The following TENM1 variants were observed in gnomAD, a reference collection of about 807,000 sequenced individuals.
TENM1 encodes teneurin-1.
Under a neutral mutation model 174.8 loss-of-function variants are expected in TENM1, and 35 were observed. The ratio of observed to expected loss-of-function variants is 0.20; its 90% CI spans 0.15 to 0.27. TENM1 has a LOEUF of 0.27. Among genes scored for constraint, TENM1 ranks in the 10% least tolerant of loss-of-function variants. The pLI, the probability that TENM1 is intolerant of heterozygous loss-of-function variation, is 1.00. For missense variants in TENM1, 1,633 were observed against 2,130.1 expected, an observed-to-expected ratio of 0.77 and a Z score of 4.59; for synonymous variants, 781 against 798.7, an observed-to-expected ratio of 0.98 and a Z score of 0.37.
chrX:124,545,857 A>G (rs988373534), intron 15 of TENM1, among the ~76,000 whole-genome samples: 1 of 111,782 alleles, frequency 8.9e-6, no homozygotes, highest in African/African-American at 3.3e-5. Context: ...CCAGAGACCT[A>G]GAGAGTCAGA....
chrX:124,398,966 C>G (rs1375333357), intron 27 of TENM1, among the ~76,000 whole-genome samples: 1 of 112,328 alleles, frequency 8.9e-6, no homozygotes, highest in Non-Finnish European at 1.9e-5. Context: ...TAGAAGGAAC[C>G]CTTCTGTTCA....
intron 3 of TENM1, among the ~76,000 whole-genome samples, chrX:124,750,850 T>C (rs748060576): frequency 8.9e-6 from 1 of 112,255 alleles, no homozygotes; most frequent in East Asian, 2.8e-4. Flanking sequence ...TTCCTCTTTA[T>C]TGCAAACAAT....
At chrX:125,042,584 T>C in the TENM1 span, among the ~76,000 whole-genome samples, 3 of 111,523 alleles carry the variant, frequency 2.7e-5, no homozygotes, top group South Asian at 3.7e-4. Flanking sequence ...ACAGGTAATT[T>C]TATTTTAGCA....
intron 1 of TENM1, among the ~76,000 whole-genome samples, chrX:124,923,325 C>T (rs1436965621): frequency 2.7e-5 from 3 of 111,803 alleles, no homozygotes; most frequent in Non-Finnish European, 5.7e-5. Context: ...ATATCTTCAT[C>T]TGTTCCTTTA....
chrX:125,042,934 C>G, the TENM1 span, among the ~76,000 whole-genome samples: 6 of 111,306 alleles, frequency 5.4e-5, no homozygotes, highest in South Asian at 2.3e-3. Flanking sequence ...GTACACTATG[C>G]AAGTTAATTG....
intron 23 of TENM1, among the ~76,000 whole-genome samples, chrX:124,443,735 T>A (rs1394386540): frequency 8.9e-6 from 1 of 111,911 alleles, no homozygotes; most frequent in African/African-American, 3.2e-5. Flanking sequence ...ACACTGTGAC[T>A]AGAAACAAAT....
At chrX:125,061,070 A>G in the TENM1 span, among the ~76,000 whole-genome samples, 1 of 92,929 alleles carries the variant, frequency 1.1e-5, no homozygotes, top group Non-Finnish European at 2.0e-5. Context: ...TAATTAAATT[A>G]CTGAAAATTG....
intron 25 of TENM1, among the ~76,000 whole-genome samples, chrX:124,410,176 T>A (rs1272016255): frequency 3.6e-5 from 4 of 110,508 alleles, no homozygotes; most frequent in East Asian, 2.8e-4. Flanking sequence ...ACAGAGATAT[T>A]GACCAATGGA....
At chrX:124,497,186 T>C (rs1425656941) in exon 20 of TENM1, 1 of 1,209,499 alleles carries the variant, frequency 8.3e-7, no homozygotes, top group Admixed American at 2.2e-5. Context: ...TCCTTTGGTG[T>C]CCATTACCCA....
At chrX:125,050,770 T>C in the TENM1 span, among the ~76,000 whole-genome samples, 2 of 111,672 alleles carry the variant, frequency 1.8e-5, no homozygotes, top group Non-Finnish European at 3.8e-5. Context: ...TAGTTTACAG[T>C]CCCACCAACA....
chrX:124,503,665 T>A, exon 19 of TENM1: 1 of 1,207,281 alleles, frequency 8.3e-7, no homozygotes. Context: ...TCCCAGAGAA[T>A]AAAGTCAGGG....
At chrX:124,639,297 A>G (rs1481648227) in intron 11 of TENM1, among the ~76,000 whole-genome samples, 4 of 111,656 alleles carry the variant, frequency 3.6e-5, no homozygotes, top group African/African-American at 9.8e-5. Context: ...CTTTGTTTAA[A>G]CTGCTCCTTC....
At chrX:124,807,993 C>T (rs1015118301) in intron 3 of TENM1, among the ~76,000 whole-genome samples, 8 of 110,245 alleles carry the variant, frequency 7.3e-5, no homozygotes, top group African/African-American at 2.6e-4. Flanking sequence ...TAAGTCCTCA[C>T]CTTGAATGTA....
At chrX:124,388,132 C>T (rs2060243544) in intron 28 of TENM1, among the ~76,000 whole-genome samples, 1 of 111,961 alleles carries the variant, frequency 8.9e-6, no homozygotes, top group Non-Finnish European at 1.9e-5. Context: ...TGTCAACTTG[C>T]TGTGAGTAAA....
chrX:124,998,315 G>A, the TENM1 span, among the ~76,000 whole-genome samples: 24,799 of 108,878 alleles, frequency 0.23, 2,891 homozygotes, highest in African/African-American at 0.44. Flanking sequence ...AAAATTGAAA[G>A]GGGAGCCACT....
At chrX:124,664,358 G>A (rs904882903) in intron 6 of TENM1, among the ~76,000 whole-genome samples, 13 of 110,228 alleles carry the variant, frequency 1.2e-4, no homozygotes, top group Non-Finnish European at 2.1e-4. Flanking sequence ...CCTGGGTGGG[G>A]TTGGTGCAGT....
At chrX:124,678,676 A>C (rs2052154250) in intron 5 of TENM1, among the ~76,000 whole-genome samples, 1 of 111,671 alleles carries the variant, frequency 9.0e-6, no homozygotes, top group African/African-American at 3.2e-5. Flanking sequence ...TAAAACAGAT[A>C]AAACAGAATT....
intron 25 of TENM1, among the ~76,000 whole-genome samples, chrX:124,417,668 C>T (rs1207340720): frequency 9.0e-6 from 1 of 111,084 alleles, no homozygotes; most frequent in East Asian, 2.8e-4. Flanking sequence ...TCTCCACCCT[C>T]TCCCCTCAAT....
chrX:124,904,076 T>C (rs2057707982), intron 1 of TENM1, among the ~76,000 whole-genome samples: 2 of 110,790 alleles, frequency 1.8e-5, no homozygotes, highest in South Asian at 7.8e-4. Context: ...TGTGCGTGTG[T>C]GTGTGTGTCT....
Sources: gnomAD v4.1 joint callset for allele counts (sites outside exome capture counted in the v4.1 genomes callset) on GRCh38, gnomAD v4.1.1 for gene constraint, MANE v1.5 for transcripts, NCBI Gene and HGNC (gene_info 2026-07-23, HGNC 2026-07-21) for gene names.